The following NEK8 variants were observed in gnomAD, a reference collection of about 807,000 sequenced individuals.
The protein encoded by NEK8 is serine/threonine-protein kinase Nek8.
NEK8 carries 51 observed loss-of-function variants against 77.2 expected under a neutral mutation model. The ratio of observed to expected loss-of-function variants is 0.66; its 90% CI spans 0.53 to 0.83. NEK8 has a LOEUF of 0.83. Ranked by LOEUF, NEK8 falls within the 40% of genes least tolerant of loss-of-function variation. NEK8 has a pLI of 0.00. For missense variants in NEK8, 787 were observed against 909.2 expected (o/e 0.87, Z 1.73); for synonymous variants, 365 against 363.2 (o/e 1.00, Z -0.06).
rs7211220 is a variant in NEK8 at position 28,729,008 on chromosome 17, C to G, written c.47+148C>G. The G allele has an allele frequency of 7.9e-4, 572 of 726,268 alleles. 4 individuals carry two copies. The highest frequency in any genetic ancestry group is 7.7e-3 in the African/African-American group (438 of 57,204). 45.0% of individuals were successfully genotyped at this position (726,268 alleles called of 1,614,324 possible). A position where few individuals can be genotyped will look rare whatever the true frequency, so the allele number is the denominator to read the frequency against. On this transcript the variant is annotated intron_variant, in intron 1 of 14. Coordinates refer to ENST00000268766, the MANE Select transcript of NEK8 (RefSeq NM_178170.3). ...CGCCCAAGCTTCCGGTCCCAGTCCC[C>G]CGGGGAGACTCCGCCTCTACGGAGG...
rs975509520 is a variant in NEK8, at chr17:28,740,727, T to C, written c.1569-95T>C. Reference sequence around the variant, plus strand: ...CCAGAATTGAGGGGGTTGAGGGTGCTATTGGTTCAACCCAGGGTGGGATCT... The same window carrying C: ...CCAGAATTGAGGGGGTTGAGGGTGCCATTGGTTCAACCCAGGGTGGGATCT... On this transcript the variant is annotated intron_variant, in intron 11 of 14. Transcript: ENST00000268766. The surrounding 1 kb of genome is among the most constrained non-coding windows in gnomAD (Gnocchi z 4.7). The C allele has an allele frequency of 4.5e-6, 7 of 1,569,100 alleles. No homozygotes were observed. Among genetic ancestry groups the C allele is most frequent in the South Asian group, 1.1e-5 (1 of 90,136 alleles).
rs2034388322 is a variant in NEK8, at chr17:28,738,373, A to C, written c.1222+128A>C. The C allele has an allele frequency of 1.4e-5, 17 of 1,192,640 alleles. No homozygotes were observed. The South Asian group carries it at 1.8e-4, about 13-fold the overall frequency. 73.9% of individuals were successfully genotyped at this position (1,192,640 alleles called of 1,614,324 possible). A position where few individuals can be genotyped will look rare whatever the true frequency, so the allele number is the denominator to read the frequency against. ...AGTTATCGAGTTATTGCTTCTGTCT[A>C]GTAACTATTGAGGAGATTTCCTTAT... On this transcript the variant is annotated intron_variant, in intron 8 of 14. Transcript: ENST00000268766.
At chr17:28,730,689 G>A (rs904662107) in intron 1 of NEK8, among the ~76,000 whole-genome samples, 1 of 152,084 alleles carries the variant, frequency 6.6e-6, no homozygotes, top group African/African-American at 2.4e-5. Context: ...GGCCGAGATG[G>A]GCAATTGCTT....
In NEK8 at chr17:28,740,677, A is replaced by G. The variant is rs2034411668; in HGVS notation, c.1568+64A>G. On this transcript the variant is annotated intron_variant, in intron 11 of 14. Transcript: ENST00000268766. The surrounding 1 kb of genome is among the most constrained non-coding windows in gnomAD (Gnocchi z 4.7). ...CTCCTTGGCTGCAAGTGCTCCGTCC[A>G]TCATTGCCTACCTTTCACCAAAGAC... is the stretch of plus-strand genomic sequence containing the variant. 3 of 1,597,502 alleles carry G rather than the reference A, an allele frequency of 1.9e-6. No homozygotes were observed. In the East Asian group the frequency reaches 6.7e-5, roughly 36 times the overall value.
Position 28,741,363 on chromosome 17 carries a change from C to T in NEK8, c.1892-50C>T. ...TGGCAATGTGGGAGGGGAGATCCTG[C>T]TCGGGCTGTGCCCACTTCCCACTTC... On this transcript the variant is annotated intron_variant, in intron 13 of 14. Coordinates refer to ENST00000268766, the MANE Select transcript of NEK8 (RefSeq NM_178170.3). The surrounding 1 kb of genome is among the most constrained non-coding windows in gnomAD (Gnocchi z 4.5). The T allele has an allele frequency of 1.9e-6, 3 of 1,605,074 alleles. No homozygotes were observed. The highest frequency in any genetic ancestry group is 2.6e-6 in the Non-Finnish European group (3 of 1,175,456).
Position 28,742,859 on chromosome 17 carries a change from G to T in NEK8, c.*872G>T, listed in dbSNP as rs1029150461. On this transcript the variant is annotated 3_prime_UTR_variant, in exon 15 of 15. Coordinates refer to ENST00000268766, the MANE Select transcript of NEK8 (RefSeq NM_178170.3). The stretch of plus-strand genomic sequence containing the variant: ...AGGCCAAGGCGGGCGGATCACTTGA[G>T]GTCAGTAGACTGAGGCCAGCCTGGC... The T allele has an allele frequency of 6.6e-6, 1 of 151,844 alleles. No individual in the cohort carries two copies. Among genetic ancestry groups the T allele is most frequent in the African/African-American group, 2.4e-5 (1 of 41,348 alleles). The allele number at this position is 151,844 out of a possible 1,614,324, so 9.4% of individuals were successfully genotyped here.
chr17:28,733,130 T>G (rs1311471205), intron 1 of NEK8: 1 of 151,624 alleles, frequency 6.6e-6, no homozygotes, highest in Admixed American at 6.6e-5. Flanking sequence ...TCTACCTGCC[T>G]TGGCCTCCCA....
rs142234912 is a variant in NEK8 at position 28,737,914 on chromosome 17, A to G, written c.985A>G (p.Met329Val). The change falls in exon 7 of 15, where the codon ATG becomes GTG. Residue 329 changes from methionine to valine, a missense_variant. Coordinates refer to ENST00000268766, the MANE Select transcript of NEK8 (RefSeq NM_178170.3). The surrounding 1 kb of genome is among the most constrained non-coding windows in gnomAD (Gnocchi z 4.8). The part of the protein sequence containing the change: ...GGLGTPLRLP[M>V]LNTEVVQVAA... ...GCTGGGCACCCCCCTGCGGCTGCCA[A>G]TGCTCAACACAGAGGTGGTCCAGGT... 22 of 1,613,850 alleles carry G rather than the reference A, an allele frequency of 1.4e-5. No homozygotes were observed. In the South Asian group the frequency reaches 1.8e-4, roughly 13 times the overall value.
At chr17:28,738,565 TGG>T in intron 8 of NEK8, 104 bp from the exon 9 acceptor site, 1 of 983,464 alleles carries the variant, frequency 1.0e-6, no homozygotes, top group Non-Finnish European at 1.6e-6. Context: ...CTTCCAGCCC[TGG>T]TCCCCAACTT....
At position 28,737,803 on chromosome 17, in the gene NEK8, T is replaced by C. The variant is rs2034380282; in HGVS notation, c.890-16T>C. 2 of 1,613,994 alleles carry C rather than the reference T, an allele frequency of 1.2e-6. No homozygotes were observed. ...ATTCCCATCAGTTTAATAGTCCCCA[T>C]GCACTGTACCTGCAGGTATCCCCCG... is the stretch of plus-strand genomic sequence containing the variant. On this transcript the variant is annotated splice_polypyrimidine_tract_variant and intron_variant, in intron 6 of 14. Transcript: ENST00000268766. The surrounding 1 kb of genome is among the most constrained non-coding windows in gnomAD (Gnocchi z 4.8).
At chr17:28,730,966 GA>G (rs1309223455) in intron 1 of NEK8, among the ~76,000 whole-genome samples, 1 of 151,018 alleles carries the variant, frequency 6.6e-6, no homozygotes, top group Non-Finnish European at 1.5e-5. Context: ...AGGAAAGAAA[GA>G]AGGGGCCGGG....
At chr17:28,730,155 C>G (rs2034292790) in intron 1 of NEK8, among the ~76,000 whole-genome samples, 1 of 152,112 alleles carries the variant, frequency 6.6e-6, no homozygotes, top group South Asian at 2.1e-4. Flanking sequence ...CACTGTCGCT[C>G]AGGCTGGAGT....
At position 28,738,126 on chromosome 17, in the gene NEK8, T is replaced by A; in HGVS notation, c.1103T>A (p.Leu368His). 1 of 1,613,922 alleles carries A rather than the reference T, an allele frequency of 6.2e-7. No individual in the cohort carries two copies. Among genetic ancestry groups the A allele is most frequent in the Non-Finnish European group, 8.5e-7 (1 of 1,179,916 alleles). Residue 368 changes from leucine (L) to histidine (H), a missense_variant, in exon 8 of 15, where the codon CTC becomes CAC. By Grantham distance (99) the Leu-to-His change is moderately conservative. Transcript: ENST00000268766. ...CCCCTAGGTGCAGGCGGAGGCAGTC[T>A]CCTTCCTGGGGCAGTGGAGCAGCCA... Reference protein sequence around the residue: ...APPLGAGGGSLLPGAVEQPQP... With the variant: ...APPLGAGGGSHLPGAVEQPQP...
At position 28,738,930 on chromosome 17, in the gene NEK8, A is replaced by G. The variant is rs138336490; in HGVS notation, c.1300-154A>G. Among the ~76,000 whole-genome samples the G allele has an allele frequency of 2.1e-3, 325 of 152,368 alleles. 1 individual carries two copies. The highest frequency in any genetic ancestry group is 0.014 in the Middle Eastern group (4 of 294). On this transcript the variant is annotated intron_variant, in intron 9 of 14. Coordinates refer to ENST00000268766, the MANE Select transcript of NEK8 (RefSeq NM_178170.3). ...AGTACAGAAAAACCAGGCTTCCCCA[A>G]TGGTTGCCCACCTGGCAGTGTGTAT...
In NEK8 at chr17:28,737,615, C is replaced by T; in HGVS notation, c.828-60C>T. 1 of 1,614,030 alleles carries T rather than the reference C, an allele frequency of 6.2e-7. No individual in the cohort carries two copies. Among genetic ancestry groups the T allele is most frequent in the Non-Finnish European group, 8.5e-7 (1 of 1,179,924 alleles). ...GAGGGAAACCTGGGGCAAGTCCTCC[C>T]TTCCTGCATGTAGGAATGTCAGGAG... On this transcript the variant is annotated intron_variant, in intron 5 of 14. Coordinates refer to ENST00000268766, the MANE Select transcript of NEK8 (RefSeq NM_178170.3). This position sits in a 1 kb window ranked among gnomAD's most constrained non-coding sequence, Gnocchi z 4.8.
At chr17:28,733,753 T>TA (rs1196374973) in intron 1 of NEK8, among the ~76,000 whole-genome samples, 4 of 152,218 alleles carry the variant, frequency 2.6e-5, no homozygotes, top group African/African-American at 9.6e-5. Context: ...TGTGGGAACT[T>TA]AGAGATCAAG....
chr17:28,730,393 A>G (rs2034295541), intron 1 of NEK8, among the ~76,000 whole-genome samples: 2 of 149,782 alleles, frequency 1.3e-5, no homozygotes, highest in South Asian at 2.1e-4. Flanking sequence ...GGTTCAAGCA[A>G]TTCTCCTGCC....
Position 28,738,763 on chromosome 17 carries a change from A to T in NEK8, c.1299+16A>T. ...CATCAGCCAGGTGGGTGTCACATAT[A>T]CCTTGGGAAGGGGAAGTCGGGGGAT... On this transcript the variant is annotated intron_variant, in intron 9 of 14. Coordinates refer to ENST00000268766, the MANE Select transcript of NEK8 (RefSeq NM_178170.3). The T allele has an allele frequency of 1.2e-6, 2 of 1,605,232 alleles. No homozygotes were observed. Among genetic ancestry groups the T allele is most frequent in the Non-Finnish European group, 1.7e-6 (2 of 1,172,048 alleles).
rs75812047 is a variant in NEK8 at position 28,739,045 on chromosome 17, C to G, written c.1300-39C>G. The G allele has an allele frequency of 9.4e-4, 1,389 of 1,483,328 alleles. 29 individuals are homozygous for G. The East Asian group carries it at 0.024, about 26-fold the overall frequency. 91.9% of individuals were successfully genotyped at this position (1,483,328 alleles called of 1,614,324 possible). A position where few individuals can be genotyped will look rare whatever the true frequency, so the allele number is the denominator to read the frequency against. On this transcript the variant is annotated intron_variant, in intron 9 of 14. Transcript: ENST00000268766. ...GGTGTTGAAGCCAGATGGCTCCAGA[C>G]CCTTTGCCCAGTTTCTCCTTGCTTC...
Sources: gnomAD v4.1 joint callset for allele counts (sites outside exome capture counted in the v4.1 genomes callset) on GRCh38, gnomAD v4.1.1 for gene constraint, Gnocchi (gnomAD v3.1) non-coding constraint, MANE v1.5 for transcripts, NCBI Gene and HGNC (gene_info 2026-07-23, HGNC 2026-07-21) for gene names.